PCDHGA7: variants seen among roughly 807,000 people sequenced by gnomAD.
PCDHGA7 encodes the protein protocadherin gamma-A7.
In PCDHGA7, 44 loss-of-function variants were observed where a neutral mutation model predicts 58.3. The observed-to-expected ratio is 0.75, with a 90% CI of 0.59 to 0.97. PCDHGA7 has a LOEUF of 0.97. Among genes scored for constraint, PCDHGA7 ranks in the 50% least tolerant of loss-of-function variants. The pLI is 0.00. For missense variants in PCDHGA7, 1,266 were observed against 1,188.7 expected, an observed-to-expected ratio of 1.06 and a Z score of -0.96; for synonymous variants, 516 against 504.2, an observed-to-expected ratio of 1.02 and a Z score of -0.31.
At chr5:141,405,114 C>T in intron 1 of PCDHGA7, 1 of 1,613,970 alleles carries the variant, frequency 6.2e-7, no homozygotes, top group Non-Finnish European at 8.5e-7. Flanking sequence ...CACTGGCACT[C>T]CTCGCATCTG....
intron 1 of PCDHGA7, among the ~76,000 whole-genome samples, chr5:141,452,137 G>A (rs2154563838): frequency 6.6e-6 from 1 of 152,162 alleles, no homozygotes; most frequent in East Asian, 1.9e-4. Flanking sequence ...TGGCTCATGT[G>A]TTTTTTCCAA....
chr5:141,481,200 T>A (rs977235584), intron 1 of PCDHGA7, among the ~76,000 whole-genome samples: 2 of 152,178 alleles, frequency 1.3e-5, no homozygotes, highest in Non-Finnish European at 2.9e-5. Flanking sequence ...CCAATTTTTT[T>A]AAAAAACATG....
Position 141,485,011 on chromosome 5 carries a change from C to G in PCDHGA7, c.2425-9796C>G, listed in dbSNP as rs2099605048. 3.2e-6 allele frequency: 2 copies of G among 631,064 alleles called. No homozygotes were observed. The highest frequency in any genetic ancestry group is 5.5e-5 in the East Asian group (2 of 36,662). The allele number at this position is 631,064 out of a possible 1,614,324, so 39.1% of individuals were successfully genotyped here. A position where few individuals can be genotyped will look rare whatever the true frequency, so the allele number is the denominator to read the frequency against. Reference sequence around the variant, plus strand: ...TGGTGAAAGGCAGACAAATCTACCCCGCCACCAGCAAAAACGGCGCGTAAC... The same window carrying G: ...TGGTGAAAGGCAGACAAATCTACCCGGCCACCAGCAAAAACGGCGCGTAAC... On this transcript the variant is annotated intron_variant, in intron 1 of 3. Coordinates refer to ENST00000518325, the MANE Select transcript of PCDHGA7 (RefSeq NM_018920.4). This position sits in a 1 kb window ranked among gnomAD's most constrained non-coding sequence, Gnocchi z 5.7.
chr5:141,421,231 G>T (rs1368484504), intron 1 of PCDHGA7: 1 of 1,590,694 alleles, frequency 6.3e-7, no homozygotes, highest in South Asian at 1.1e-5. Context: ...GCCTGCCATG[G>T]CGAATCGGCT....
chr5:141,423,957 T>G, intron 1 of PCDHGA7: 1 of 1,183,084 alleles, frequency 8.5e-7, no homozygotes, highest in Non-Finnish European at 1.1e-6. Context: ...TTTAGTATTA[T>G]TTTTCTATTA....
At chr5:141,509,758 C>T (rs574741134) in intron 3 of PCDHGA7, among the ~76,000 whole-genome samples, 17 of 152,202 alleles carry the variant, frequency 1.1e-4, no homozygotes. Flanking sequence ...CTAAAGTGTC[C>T]CTGAGATGTC....
intron 1 of PCDHGA7, chr5:141,404,600 C>G (rs1406207982): frequency 6.2e-7 from 1 of 1,613,938 alleles, no homozygotes; most frequent in Non-Finnish European, 8.5e-7. Flanking sequence ...GTCATTGAGA[C>G]TGTTTGTTTT....
At position 141,510,979 on chromosome 5, in the gene PCDHGA7, G is replaced by T; in HGVS notation, c.2605G>T (p.Gly869Cys). 3.7e-6 allele frequency: 6 copies of T among 1,614,156 alleles called. No individual in the cohort carries two copies. Among genetic ancestry groups the T allele is most frequent in the Non-Finnish European group, 4.2e-6 (5 of 1,180,018 alleles). Residue 869 changes from glycine to cysteine, a missense_variant, in exon 4 of 4, where the codon GGT becomes TGT. Gly to Cys is a radical substitution (Grantham distance 159). Coordinates refer to ENST00000518325, the MANE Select transcript of PCDHGA7 (RefSeq NM_018920.4). ...TGATGGGAGCTCCACCCTGGGAGGGGGTGCCGGCACCATGGGATTGAGCGC... is the reference window on the plus strand; with the variant it reads ...TGATGGGAGCTCCACCCTGGGAGGGTGTGCCGGCACCATGGGATTGAGCGC... Reference protein sequence around the residue: ...AADGSSTLGGGAGTMGLSARY... With the variant: ...AADGSSTLGGCAGTMGLSARY...
At chr5:141,438,591 CATAT>C (rs946798767) in intron 1 of PCDHGA7, among the ~76,000 whole-genome samples, 213 of 75,464 alleles carry the variant, frequency 2.8e-3, no homozygotes, top group African/African-American at 5.5e-3. Flanking sequence ...TACATACATA[CATAT>C]ATATATATAT....
intron 1 of PCDHGA7, chr5:141,410,302 A>C: frequency 1.2e-6 from 2 of 1,613,356 alleles, no homozygotes; most frequent in Non-Finnish European, 1.7e-6. Flanking sequence ...CCTTAATCTC[A>C]GTGCTCTTCC....
At chr5:141,385,399 G>A in intron 1 of PCDHGA7, 76 bp downstream of exon 1, 1 of 1,492,926 alleles carries the variant, frequency 6.7e-7, no homozygotes, top group Non-Finnish European at 8.9e-7. Flanking sequence ...CAAAACAAAT[G>A]TTTTGAAAAT....
chr5:141,490,205 C>A lies in PCDHGA7; in HGVS notation c.2425-4602C>A. 1 of 1,614,168 alleles carries A rather than the reference C, an allele frequency of 6.2e-7. No individual in the cohort carries two copies. The highest frequency in any genetic ancestry group is 8.5e-7 in the Non-Finnish European group (1 of 1,180,004). ...CGTTTCTATGAAATTCATGCAAGAG[C>A]CCGTGACCAGGGACAGCCTGCCATG... On this transcript the variant is annotated intron_variant, in intron 1 of 3. Transcript: ENST00000518325. This position sits in a 1 kb window ranked among gnomAD's most constrained non-coding sequence, Gnocchi z 5.4.
At chr5:141,399,409 CT>C in intron 1 of PCDHGA7, 2 of 1,614,052 alleles carry the variant, frequency 1.2e-6, no homozygotes, top group South Asian at 2.2e-5. Flanking sequence ...CAAGCCGCCC[CT>C]CTCCTCCAGC....
At position 141,476,676 on chromosome 5, in the gene PCDHGA7, G is replaced by A. The variant is rs753538822; in HGVS notation, c.2425-18131G>A. The A allele has an allele frequency of 6.2e-7, 1 of 1,614,222 alleles. No individual in the cohort carries two copies. The highest frequency in any genetic ancestry group is 8.5e-7 in the Non-Finnish European group (1 of 1,180,054). On this transcript the variant is annotated intron_variant, in intron 1 of 3. Transcript: ENST00000518325. The surrounding 1 kb of genome is among the most constrained non-coding windows in gnomAD (Gnocchi z 7.6). ...TACTTTGCGCTTCGCGTGCAGACGC[G>A]GGAGGACAGCACCAAGTACGCGGAG...
chr5:141,415,078 GC>G (rs2095826068), intron 1 of PCDHGA7: 1 of 1,613,376 alleles, frequency 6.2e-7, no homozygotes, highest in Non-Finnish European at 8.5e-7. Flanking sequence ...CACGGCGCGA[GC>G]CCTGCTGGAC....
At chr5:141,414,476 C>T (rs1242647918) in intron 1 of PCDHGA7, 1 of 1,613,802 alleles carries the variant, frequency 6.2e-7, no homozygotes, top group African/African-American at 1.3e-5. Flanking sequence ...GGGGGAAGTC[C>T]TCCTCTATCA....
chr5:141,394,020 AG>A (rs745548616), intron 1 of PCDHGA7: 1 of 1,613,544 alleles, frequency 6.2e-7, no homozygotes, highest in Non-Finnish European at 8.5e-7. Flanking sequence ...TAATTATTAT[AG>A]ATTAGTGACA....
At position 141,431,374 on chromosome 5, in the gene PCDHGA7, G is replaced by T. The variant is rs1561851775; in HGVS notation, c.2424+46051G>T. On this transcript the variant is annotated intron_variant, in intron 1 of 3. Coordinates refer to ENST00000518325, the MANE Select transcript of PCDHGA7 (RefSeq NM_018920.4). The surrounding 1 kb of genome is among the most constrained non-coding windows in gnomAD (Gnocchi z 4.8). ...AACGCGCCCTGGACCGCGAAGAAAA[G>T]GCTGCTCACCACCTGGTCCTTACGG... 1.9e-6 allele frequency: 3 copies of T among 1,613,862 alleles called. No individual in the cohort carries two copies. Among genetic ancestry groups the T allele is most frequent in the Non-Finnish European group, 2.5e-6 (3 of 1,180,044 alleles).
chr5:141,421,837 G>A, intron 1 of PCDHGA7: 1 of 1,613,782 alleles, frequency 6.2e-7, no homozygotes. Flanking sequence ...CCTGGACCGA[G>A]AGAAAGAGGC....
Sources: gnomAD v4.1 joint callset for allele counts (sites outside exome capture counted in the v4.1 genomes callset) on GRCh38, gnomAD v4.1.1 for gene constraint, Gnocchi (gnomAD v3.1) non-coding constraint, MANE v1.5 for transcripts, NCBI Gene and HGNC (gene_info 2026-07-23, HGNC 2026-07-21) for gene names.